The following MTHFD1L variants were observed in gnomAD, a reference collection of about 807,000 sequenced individuals.
The protein encoded by MTHFD1L is methylenetetrahydrofolate dehydrogenase (NADP+ dependent) 1 like, also known as monofunctional C1-tetrahydrofolate synthase, mitochondrial.
A neutral mutation model predicts 119.5 loss-of-function variants in MTHFD1L; 81 were observed. The observed-to-expected ratio is 0.68, with a 90% CI of 0.57 to 0.82. The LOEUF (loss-of-function observed/expected upper bound fraction) is 0.82, where lower values mean the gene tolerates loss of function less well. MTHFD1L is among the 40% of genes least tolerant of loss of function. The pLI, the probability that MTHFD1L is intolerant of heterozygous loss-of-function variation, is 0.00. For missense variants in MTHFD1L, 1,125 were observed against 1,253.4 expected (o/e 0.90, Z 1.55); for synonymous variants, 430 against 475.2 (o/e 0.90, Z 1.24).
intron 26 of MTHFD1L, among the ~76,000 whole-genome samples, chr6:151,055,230 G>A (rs1313183341): frequency 6.6e-6 from 1 of 151,838 alleles, no homozygotes; most frequent in African/African-American, 2.4e-5. Context: ...CGCGCCACTG[G>A]ACTAGACTAG....
chr6:150,908,269 T>G (rs2086976874), intron 8 of MTHFD1L, among the ~76,000 whole-genome samples: 1 of 151,896 alleles, frequency 6.6e-6, no homozygotes, highest in Admixed American at 6.6e-5. Context: ...CTACTCTGCT[T>G]GTAGTTTTAA....
chr6:151,095,624 C>T (rs77695894), intron 27 of MTHFD1L, among the ~76,000 whole-genome samples: 1,582 of 152,346 alleles, frequency 0.01, 34 homozygotes, highest in African/African-American at 0.036. Context: ...ATCTTATATA[C>T]GGGGCCTGCA....
chr6:150,909,917 A>T (rs1190688265), intron 8 of MTHFD1L, among the ~76,000 whole-genome samples: 1 of 152,202 alleles, frequency 6.6e-6, no homozygotes, highest in African/African-American at 2.4e-5. Flanking sequence ...GGTGTGGCTC[A>T]TGCCTGTAAT....
At chr6:150,968,533 G>A (rs564682288) in intron 19 of MTHFD1L, among the ~76,000 whole-genome samples, 49 of 151,898 alleles carry the variant, frequency 3.2e-4, no homozygotes, top group Non-Finnish European at 5.4e-4. Context: ...TTTTTGAGAC[G>A]GAGTCTCTCC....
chr6:150,980,504 A>G (rs2129037816), intron 20 of MTHFD1L, among the ~76,000 whole-genome samples: 1 of 152,318 alleles, frequency 6.6e-6, no homozygotes, highest in South Asian at 2.1e-4. Context: ...TAATGTTACA[A>G]ACACCCATGT....
At chr6:151,086,027 G>C (rs11964828) in intron 26 of MTHFD1L, among the ~76,000 whole-genome samples, 12,529 of 151,916 alleles carry the variant, frequency 0.082, 898 homozygotes, top group African/African-American at 0.18. Flanking sequence ...TCGGTCCTTT[G>C]GTACAGTAAC....
chr6:151,081,215 T>C (rs1318880167), intron 26 of MTHFD1L, among the ~76,000 whole-genome samples: 1 of 152,188 alleles, frequency 6.6e-6, no homozygotes, highest in Non-Finnish European at 1.5e-5. Flanking sequence ...TAGTCCTGAA[T>C]TCTTTCCTAC....
chr6:151,009,763 A>C (rs1781960940), intron 20 of MTHFD1L, 56 bp from the exon 21 acceptor site: 1 of 1,603,326 alleles, frequency 6.2e-7, no homozygotes, highest in African/African-American at 1.3e-5. Context: ...GTGATTGCCA[A>C]AACCTACCTT....
chr6:150,911,795 A>G (rs572758764), intron 8 of MTHFD1L, among the ~76,000 whole-genome samples: 2,048 of 152,238 alleles, frequency 0.013, 82 homozygotes, highest in Admixed American at 0.073. Context: ...CTTACATGGC[A>G]GCAGCAAGAG....
At chr6:150,973,706 C>T (rs116272533) in intron 20 of MTHFD1L, among the ~76,000 whole-genome samples, 2,026 of 152,244 alleles carry the variant, frequency 0.013, 21 homozygotes, top group South Asian at 0.036. Context: ...GCAAAGCAAA[C>T]GAGCCCTCTG....
chr6:151,059,718 GA>G (rs138073920), intron 26 of MTHFD1L, among the ~76,000 whole-genome samples: 3,919 of 152,270 alleles, frequency 0.026, 174 homozygotes, highest in African/African-American at 0.088. Flanking sequence ...TTCGAAAGTG[GA>G]AATGATGCTG....
chr6:151,014,239 A>G (rs1289383100), intron 22 of MTHFD1L, among the ~76,000 whole-genome samples: 9 of 152,194 alleles, frequency 5.9e-5, no homozygotes, highest in Admixed American at 5.9e-4. Context: ...CGTTCTAAGA[A>G]TCCGAGAGGA....
At chr6:151,075,640 C>A (rs1469729829) in intron 26 of MTHFD1L, among the ~76,000 whole-genome samples, 1 of 152,110 alleles carries the variant, frequency 6.6e-6, no homozygotes, top group Non-Finnish European at 1.5e-5. Flanking sequence ...TTGACTCCAC[C>A]CAACAACAGC....
chr6:150,923,053 C>T (rs1341520174), intron 10 of MTHFD1L, among the ~76,000 whole-genome samples: 2 of 152,090 alleles, frequency 1.3e-5, no homozygotes, highest in African/African-American at 2.4e-5. Context: ...ATGCCCAACA[C>T]GTATATATCC....
chr6:150,963,887 G>A (rs1360819081), intron 18 of MTHFD1L, among the ~76,000 whole-genome samples: 1 of 152,198 alleles, frequency 6.6e-6, no homozygotes, highest in Non-Finnish European at 1.5e-5. Flanking sequence ...AGAAACAAAG[G>A]CCGGGCACGG....
chr6:150,912,862 G>A, intron 8 of MTHFD1L: 1 of 214,926 alleles, frequency 4.7e-6, no homozygotes, highest in Non-Finnish European at 1.0e-5. Flanking sequence ...TCCCAATGGA[G>A]TCCTGCCCCT....
intron 13 of MTHFD1L, among the ~76,000 whole-genome samples, chr6:150,943,967 G>T (rs1338080960): frequency 6.6e-6 from 1 of 152,140 alleles, no homozygotes; most frequent in African/African-American, 2.4e-5. Flanking sequence ...AATAAACGTA[G>T]TGAGTGACTA....
intron 9 of MTHFD1L, among the ~76,000 whole-genome samples, chr6:150,921,520 G>C (rs1278493124): frequency 6.6e-6 from 1 of 152,092 alleles, no homozygotes; most frequent in African/African-American, 2.4e-5. Context: ...CCAAAGTGCT[G>C]GGATTACAGG....
At chr6:151,053,717 G>A (rs528574622) in intron 26 of MTHFD1L, among the ~76,000 whole-genome samples, 1 of 152,036 alleles carries the variant, frequency 6.6e-6, no homozygotes, top group East Asian at 1.9e-4. Context: ...AAAATTAGCT[G>A]GGCATGGTGT....
Sources: gnomAD v4.1 joint callset for allele counts (sites outside exome capture counted in the v4.1 genomes callset) on GRCh38, gnomAD v4.1.1 for gene constraint, MANE v1.5 for transcripts, NCBI Gene and HGNC (gene_info 2026-07-23, HGNC 2026-07-21) for gene names.